UNK: variants seen among roughly 807,000 people sequenced by gnomAD.
UNK encodes unk zinc finger.
UNK carries 32 observed loss-of-function variants against 97.6 expected under a neutral mutation model. The ratio of observed to expected loss-of-function variants is 0.33; its 90% CI spans 0.25 to 0.44. The LOEUF is 0.44. UNK is among the 20% of genes least tolerant of loss of function. The pLI, the probability that UNK is intolerant of heterozygous loss-of-function variation, is 1.00. For missense variants in UNK, 771 were observed against 1,098.4 expected (o/e 0.70, Z 4.21); for synonymous variants, 441 against 461.2 (o/e 0.96, Z 0.56).
In UNK at chr17:75,812,161, C is replaced by T; in HGVS notation, c.364C>T (p.Leu122Phe). ...AGGGGACACTGAGCGCAGGTACCAC[C>T]TTCGTTACTACAAAACTGGAATCTG... The part of the protein sequence containing the change: ...TTGDTERRYH[L>F]RYYKTGICIH... Residue 122 changes from leucine (L) to phenylalanine (F), a missense_variant, in exon 3 of 16, where the codon CTT (leucine) becomes TTT (phenylalanine). Transcript: ENST00000589666. 6.2e-7 allele frequency: 1 copy of T among 1,613,944 alleles called. No individual in the cohort carries two copies. The highest frequency in any genetic ancestry group is 8.5e-7 in the Non-Finnish European group (1 of 1,179,840).
chr17:75,800,990 G>C (rs1292717347), intron 1 of UNK, among the ~76,000 whole-genome samples: 1 of 151,384 alleles, frequency 6.6e-6, no homozygotes, highest in East Asian at 2.0e-4. Context: ...TGCAAGCTCT[G>C]TCTCCCGGGT....
intron 1 of UNK, among the ~76,000 whole-genome samples, chr17:75,800,809 C>G (rs1488052120): frequency 6.6e-6 from 1 of 152,104 alleles, no homozygotes; most frequent in Non-Finnish European, 1.5e-5. Context: ...GTCTTGGCTG[C>G]TTGTGCACTT....
chr17:75,787,439 C>A (rs772620201), intron 1 of UNK, among the ~76,000 whole-genome samples: 2 of 151,318 alleles, frequency 1.3e-5, no homozygotes, highest in Non-Finnish European at 2.9e-5. Flanking sequence ...CTCCTGTGAT[C>A]GAGCAGGCGC....
Position 75,818,545 on chromosome 17 carries a change from G to A in UNK, c.1372-97G>A, listed in dbSNP as rs368313700. On this transcript the variant is annotated intron_variant, in intron 10 of 15. Coordinates refer to ENST00000589666, the MANE Select transcript of UNK (RefSeq NM_001080419.3). This position sits in a 1 kb window ranked among gnomAD's most constrained non-coding sequence, Gnocchi z 5.1. ...GGGGCACCCGGACTAGAGCTAGCACGGGCCATTTCCCTTGCCCCCAGCCCC... is the reference window on the plus strand; with the variant it reads ...GGGGCACCCGGACTAGAGCTAGCACAGGCCATTTCCCTTGCCCCCAGCCCC... The A allele has an allele frequency of 4.1e-5, 57 of 1,380,256 alleles. No individual in the cohort carries two copies. Among genetic ancestry groups the A allele is most frequent in the East Asian group, 1.2e-4 (5 of 41,654 alleles). 85.5% of individuals were successfully genotyped at this position (1,380,256 alleles called of 1,614,324 possible). A position where few individuals can be genotyped will look rare whatever the true frequency, so the allele number is the denominator to read the frequency against.
chr17:75,812,135 C>T lies in UNK; in HGVS notation c.338C>T (p.Thr113Ile). ...GDECPFLHRTTGDTERRYHLR... is the reference protein window; with the variant it reads ...GDECPFLHRTIGDTERRYHLR... ...AGGTGCCCATTCCTGCACAGAACCA[C>T]AGGGGACACTGAGCGCAGGTACCAC... Residue 113 changes from threonine to isoleucine, a missense_variant, in exon 3 of 16, where the codon ACA (threonine) becomes ATA (isoleucine). Coordinates refer to ENST00000589666, the MANE Select transcript of UNK (RefSeq NM_001080419.3). 6.2e-7 allele frequency: 1 copy of T among 1,611,528 alleles called. No homozygotes were observed. The highest frequency in any genetic ancestry group is 1.3e-5 in the African/African-American group (1 of 75,036).
chr17:75,785,010 C>G, intron 1 of UNK, 26 bp downstream of exon 1: 1 of 1,317,376 alleles, frequency 7.6e-7, no homozygotes. Context: ...CCCCCCCCGC[C>G]GCGCGCGCAC....
intron 1 of UNK, among the ~76,000 whole-genome samples, chr17:75,808,216 G>A (rs759893753): frequency 1.3e-5 from 2 of 152,184 alleles, no homozygotes; most frequent in Non-Finnish European, 2.9e-5. Flanking sequence ...AGTGCCAGGC[G>A]TGGTACCTTT....
Position 75,818,295 on chromosome 17 carries a change from C to A in UNK, c.1371+127C>A. The A allele has an allele frequency of 9.3e-7, 1 of 1,075,228 alleles. No individual in the cohort carries two copies. The highest frequency in any genetic ancestry group is 1.4e-6 in the Non-Finnish European group (1 of 739,802). The allele number at this position is 1,075,228 out of a possible 1,614,324, so 66.6% of individuals were successfully genotyped here. A position where few individuals can be genotyped will look rare whatever the true frequency, so the allele number is the denominator to read the frequency against. On this transcript the variant is annotated intron_variant, in intron 10 of 15. Coordinates refer to ENST00000589666, the MANE Select transcript of UNK (RefSeq NM_001080419.3). This position sits in a 1 kb window ranked among gnomAD's most constrained non-coding sequence, Gnocchi z 5.1. ...CTGAGGGCAGGACTAAAGTGGGGTC[C>A]CAGCCACAAATCCAGAGAGGGTAGG... is the stretch of plus-strand genomic sequence containing the variant.
At chr17:75,814,308 C>A (rs886991860) in intron 6 of UNK, among the ~76,000 whole-genome samples, 1 of 151,746 alleles carries the variant, frequency 6.6e-6, no homozygotes, top group Non-Finnish European at 1.5e-5. Context: ...TTGAGACTAC[C>A]CTGCAACATG....
At chr17:75,814,738 A>G (rs964393350) in intron 6 of UNK, among the ~76,000 whole-genome samples, 1 of 152,190 alleles carries the variant, frequency 6.6e-6, no homozygotes, top group Non-Finnish European at 1.5e-5. Context: ...GACAGAAACT[A>G]CCTTATGTAG....
Position 75,823,308 on chromosome 17 carries a change from G to A in UNK, c.2063G>A (p.Arg688Gln), listed in dbSNP as rs1336533930. Reference protein sequence around the residue: ...WKKEAEEAGERASAAGAECEL... With the variant: ...WKKEAEEAGEQASAAGAECEL... Reference sequence around the variant, plus strand: ...AAAGAGGCGGAGGAGGCTGGTGAGCGGGCCAGTGCGGCGGGCGCCGAGTGC... The same window carrying A: ...AAAGAGGCGGAGGAGGCTGGTGAGCAGGCCAGTGCGGCGGGCGCCGAGTGC... The change falls in exon 15 of 16, where the codon CGG (arginine) becomes CAG (glutamine). Residue 688 changes from arginine (R) to glutamine (Q), a missense_variant. Coordinates refer to ENST00000589666, the MANE Select transcript of UNK (RefSeq NM_001080419.3). 54 of 1,608,598 alleles carry A rather than the reference G, an allele frequency of 3.4e-5. 1 individual carries two copies. The Admixed American group carries it at 5.4e-4, about 16-fold the overall frequency.
At chr17:75,815,067 G>T in intron 6 of UNK, 102 bp from the exon 7 acceptor site, 2 of 1,046,230 alleles carry the variant, frequency 1.9e-6, no homozygotes, top group South Asian at 1.4e-5. Flanking sequence ...GGGAACACAG[G>T]GCAAGAGATG....
chr17:75,814,072 G>C (rs1338605960), intron 6 of UNK, among the ~76,000 whole-genome samples, 194 bp downstream of exon 6: 1 of 152,138 alleles, frequency 6.6e-6, no homozygotes, highest in Non-Finnish European at 1.5e-5. Context: ...CTGAGCCCAC[G>C]CTCACCAAGC....
rs114205386 is a variant in UNK at position 75,821,023 on chromosome 17, C to T, written c.1837+915C>T. ...TTTAGGTGCTTGGTGTTGCATTTTT[C>T]GGACTTGCCCCATATTCGGATAGGA... On this transcript the variant is annotated intron_variant, in intron 13 of 15. Transcript: ENST00000589666. Among the ~76,000 whole-genome samples, 282 of 150,616 alleles carry T rather than the reference C, an allele frequency of 1.9e-3. 1 individual carries two copies. The highest frequency in any genetic ancestry group is 6.4e-3 in the African/African-American group (264 of 41,154).
rs1883517160 is a variant in UNK, at chr17:75,818,831, T to C, written c.1546+15T>C. On this transcript the variant is annotated intron_variant, in intron 11 of 15. Coordinates refer to ENST00000589666, the MANE Select transcript of UNK (RefSeq NM_001080419.3). The surrounding 1 kb of genome is among the most constrained non-coding windows in gnomAD (Gnocchi z 5.1). Reference sequence around the variant, plus strand: ...GTCAGTCATAGGTAACTAGGCCATTTCTGTTTGAAAGCCCAGGACTGGGTC... The same window carrying C: ...GTCAGTCATAGGTAACTAGGCCATTCCTGTTTGAAAGCCCAGGACTGGGTC... 2 of 1,572,340 alleles carry C rather than the reference T, an allele frequency of 1.3e-6. No individual in the cohort carries two copies. The highest frequency in any genetic ancestry group is 1.4e-5 in the African/African-American group (1 of 73,688).
At chr17:75,796,784 A>G (rs1746182347) in intron 1 of UNK, among the ~76,000 whole-genome samples, 1 of 152,252 alleles carries the variant, frequency 6.6e-6, no homozygotes, top group Non-Finnish European at 1.5e-5. Context: ...ATAAGGAAAG[A>G]TTTTTAGCAG....
At chr17:75,813,955 C>A in intron 6 of UNK, 77 bp downstream of exon 6, 1 of 1,323,056 alleles carries the variant, frequency 7.6e-7, no homozygotes, top group Admixed American at 2.2e-5. Context: ...GAGATGTTGG[C>A]AGAACCCATC....
chr17:75,788,585 C>G (rs1464842569), intron 1 of UNK, among the ~76,000 whole-genome samples: 1 of 152,158 alleles, frequency 6.6e-6, no homozygotes, highest in East Asian at 1.9e-4. Context: ...AACTCCTGAC[C>G]TCGTGATCTG....
intron 13 of UNK, 40 bp downstream of exon 13, chr17:75,820,148 G>A (rs1292558954): frequency 1.9e-6 from 3 of 1,572,624 alleles, no homozygotes; most frequent in Admixed American, 3.5e-5. Context: ...ACTGGGGCAG[G>A]AACCTGCGCC....
Sources: allele counts gnomAD v4.1 joint callset (sites outside exome capture counted in the v4.1 genomes callset), GRCh38; gene constraint gnomAD v4.1.1; non-coding constraint Gnocchi (gnomAD v3.1); transcripts MANE v1.5; gene names NCBI Gene and HGNC (gene_info 2026-07-23, HGNC 2026-07-21).